H2AZ2: variants seen among roughly 807,000 people sequenced by gnomAD.
H2AZ2 encodes histone H2A.V.
In H2AZ2, 5 loss-of-function variants were observed where a neutral mutation model predicts 15.5. The ratio of observed to expected loss-of-function variants is 0.32; its 90% CI spans 0.17 to 0.68. H2AZ2 has a LOEUF of 0.68. H2AZ2 is among the 30% of genes least tolerant of loss of function. The probability of loss-of-function intolerance (pLI) is 0.72; values close to 1 mark genes in which losing one functional copy is unlikely to be tolerated. For synonymous variants in H2AZ2, 44 were observed against 57.4 expected, an observed-to-expected ratio of 0.77 and a Z score of 1.05; for missense variants, 42 against 162.5, an observed-to-expected ratio of 0.26 and a Z score of 4.03.
chr7:44,835,955 C>CTTTTTTTT (rs56386314), intron 3 of H2AZ2, among the ~76,000 whole-genome samples: 1 of 90,918 alleles, frequency 1.1e-5, no homozygotes, highest in African/African-American at 3.7e-5. Context: ...TTAGAAAAGT[C>CTTTTTTTT]TTTTTTTTTT....
intron 1 of H2AZ2, among the ~76,000 whole-genome samples, chr7:44,845,085 T>C (rs1013899496): frequency 6.6e-6 from 1 of 152,126 alleles, no homozygotes; most frequent in Admixed American, 6.5e-5. Context: ...AAATGGCATA[T>C]CCCCTTTGTA....
chr7:44,835,730 G>A (rs1793103614), intron 3 of H2AZ2, 72 bp from the exon 4 acceptor site: 1 of 1,367,498 alleles, frequency 7.3e-7, no homozygotes. Context: ...CTTAGCATTT[G>A]TACATACAAA....
At position 44,848,031 on chromosome 7, in the gene H2AZ2, C is replaced by A; in HGVS notation, c.-60G>T. The A allele has an allele frequency of 8.9e-7, 1 of 1,121,834 alleles. No homozygotes were observed. The highest frequency in any genetic ancestry group is 1.1e-6 in the Non-Finnish European group (1 of 878,980). 69.5% of individuals were successfully genotyped at this position (1,121,834 alleles called of 1,614,324 possible). ...GCGCCCTCCCGCTGCCGACCCGCGC[C>A]GCCGCCGCCGCTCTCGCAGCACCGA... is the stretch of plus-strand genomic sequence containing the variant. On this transcript the variant is annotated 5_prime_UTR_variant, in exon 1 of 5. Transcript: ENST00000308153.
chr7:44,839,647 A>C (rs1347787478), intron 3 of H2AZ2, among the ~76,000 whole-genome samples: 12 of 151,406 alleles, frequency 7.9e-5, no homozygotes, highest in Non-Finnish European at 1.6e-4. Flanking sequence ...GCACCACTGC[A>C]CTCCAGCCTG....
At position 44,844,057 on chromosome 7, in the gene H2AZ2, A is replaced by AC. The variant is rs1432643028; in HGVS notation, c.4-704dup. Among the ~76,000 whole-genome samples, 557 of 149,098 alleles carry AC rather than the reference A, an allele frequency of 3.7e-3. 6 individuals carry two copies. The highest frequency in any genetic ancestry group is 0.013 in the African/African-American group (532 of 40,898). ...GCATGTTCCAAGAAAAAAAAAAAAA[A>AC]CCTCAAAAAATTAAACACAGAATTG... On this transcript the variant is annotated intron_variant, in intron 1 of 4. Transcript: ENST00000308153.
rs979766125 is a variant in H2AZ2, at chr7:44,848,027, G to GCGCCGC, written c.-62_-57dup. ...CCGCGCGCCCTCCCGCTGCCGACCC[G>GCGCCGC]CGCCGCCGCCGCCGCTCTCGCAGCA... On this transcript the variant is annotated 5_prime_UTR_variant, in exon 1 of 5. Transcript: ENST00000308153. 4.3e-6 allele frequency: 5 copies of GCGCCGC among 1,168,284 alleles called. No individual in the cohort carries two copies. In the South Asian group the frequency reaches 8.8e-5, roughly 21 times the overall value. 72.4% of individuals were successfully genotyped at this position (1,168,284 alleles called of 1,614,324 possible). A position where few individuals can be genotyped will look rare whatever the true frequency, so the allele number is the denominator to read the frequency against.
chr7:44,838,626 C>T (rs1302811782), intron 3 of H2AZ2, among the ~76,000 whole-genome samples: 1 of 152,170 alleles, frequency 6.6e-6, no homozygotes, highest in Non-Finnish European at 1.5e-5. Flanking sequence ...GCCTTCCAGC[C>T]TGGGAGACAG....
chr7:44,835,477 T>A (rs1279415174), intron 4 of H2AZ2, 52 bp downstream of exon 4: 1 of 1,511,722 alleles, frequency 6.6e-7, no homozygotes, highest in Non-Finnish European at 9.1e-7. Context: ...ATCTGAACGA[T>A]ATATTAGTCA....
chr7:44,840,586 CA>C (rs1325882513), intron 3 of H2AZ2, among the ~76,000 whole-genome samples: 1 of 152,148 alleles, frequency 6.6e-6, no homozygotes, highest in Non-Finnish European at 1.5e-5. Context: ...GTGTGGCCAA[CA>C]TGGTGAAACT....
At position 44,835,552 on chromosome 7, in the gene H2AZ2, A is replaced by G; in HGVS notation, c.302T>C (p.Ile101Thr). 3 of 1,613,960 alleles carry G rather than the reference A, an allele frequency of 1.9e-6. No homozygotes were observed. The highest frequency in any genetic ancestry group is 2.5e-6 in the Non-Finnish European group (3 of 1,179,912). Reference protein sequence around the residue: ...IRGDEELDSLIKATIAGGGVI... With the variant: ...IRGDEELDSLTKATIAGGGVI... ...ACCACCCCCAGCTATGGTAGCCTTG[A>G]TAAGAGAATCCAACTCTTCATCACC... is the stretch of plus-strand genomic sequence containing the variant. The change falls in exon 4 of 5, where the codon ATC becomes ACC. Residue 101 changes from isoleucine (I) to threonine (T), a missense_variant. Coordinates refer to ENST00000308153, the MANE Select transcript of H2AZ2 (RefSeq NM_012412.5).
chr7:44,830,134 A>T, downstream of H2AZ2: 1 of 1,613,722 alleles, frequency 6.2e-7, no homozygotes, highest in Non-Finnish European at 8.5e-7. Context: ...ATACAATGGC[A>T]TCTTCTGATC....
chr7:44,844,439 T>C (rs1013443426), intron 1 of H2AZ2, among the ~76,000 whole-genome samples: 2 of 152,142 alleles, frequency 1.3e-5, no homozygotes, highest in Non-Finnish European at 2.9e-5. Flanking sequence ...CAGGGGTAGC[T>C]GCCTCCTGGG....
chr7:44,846,058 C>CAGAGAGAGAGAGAGAGAGAG (rs1278378854), intron 1 of H2AZ2, among the ~76,000 whole-genome samples: 1 of 92,658 alleles, frequency 1.1e-5, no homozygotes, highest in Non-Finnish European at 2.6e-5. Flanking sequence ...CACACACACA[C>CAGAGAGAGAGAGAGAGAGAG]ACACAGAGAG....
intron 1 of H2AZ2, 140 bp downstream of exon 1, chr7:44,847,829 C>G: frequency 1.7e-6 from 2 of 1,195,046 alleles, no homozygotes; most frequent in Non-Finnish European, 2.3e-6. Flanking sequence ...TGGCGCCCCC[C>G]GGCGGGCGGC....
chr7:44,843,443 C>T (rs1793325893), intron 1 of H2AZ2, 89 bp from the exon 2 acceptor site: 6 of 851,892 alleles, frequency 7.0e-6, no homozygotes, highest in Middle Eastern at 6.0e-4. Context: ...TCTAGTTTTA[C>T]TTTAGGTAGT....
At chr7:44,840,868 G>A in intron 3 of H2AZ2, 31 bp downstream of exon 3, 1 of 1,428,888 alleles carries the variant, frequency 7.0e-7, no homozygotes, top group Non-Finnish European at 9.8e-7. Context: ...CCTTCTGGAT[G>A]GCCATATACA....
intron 3 of H2AZ2, among the ~76,000 whole-genome samples, chr7:44,840,638 G>A (rs1159990261): frequency 6.6e-6 from 1 of 152,116 alleles, no homozygotes; most frequent in Non-Finnish European, 1.5e-5. Flanking sequence ...GGGCACAGTG[G>A]TGCACACCTG....
intron 1 of H2AZ2, among the ~76,000 whole-genome samples, chr7:44,846,062 C>CACACACACACACACACACACAG (rs57468916): frequency 6.7e-5 from 5 of 75,156 alleles, no homozygotes; most frequent in African/African-American, 2.1e-4. Context: ...CACACACACA[C>CACACACACACACACACACACAG]AGAGAGAGAC....
intron 1 of H2AZ2, 109 bp downstream of exon 1, chr7:44,847,860 G>T: frequency 1.4e-6 from 2 of 1,453,412 alleles, no homozygotes; most frequent in Non-Finnish European, 1.8e-6. Flanking sequence ...GCCGGACGAA[G>T]CCCAGACACC....
Sources: allele counts gnomAD v4.1 joint callset (sites outside exome capture counted in the v4.1 genomes callset), GRCh38; gene constraint gnomAD v4.1.1; transcripts MANE v1.5; gene names NCBI Gene and HGNC (gene_info 2026-07-23, HGNC 2026-07-21).